Variants in SYT1 observed in about 807,000 individuals in gnomAD.
SYT1 encodes the protein synaptotagmin-1.
SYT1 carries 8 observed loss-of-function variants against 44.8 expected under a neutral mutation model. The ratio of observed to expected loss-of-function variants is 0.18; its 90% CI spans 0.10 to 0.32. The LOEUF (loss-of-function observed/expected upper bound fraction) is 0.32. Among genes scored for constraint, SYT1 ranks in the 10% least tolerant of loss-of-function variants. The probability of loss-of-function intolerance (pLI) is 1.00; values close to 1 mark genes in which losing one functional copy is unlikely to be tolerated. For missense variants in SYT1, 286 were observed against 509.3 expected (o/e 0.56, Z 4.22); for synonymous variants, 154 against 188.8 (o/e 0.82, Z 1.51).
chr12:79,381,515 T>C (rs975603178), intron 9 of SYT1, among the ~76,000 whole-genome samples: 1 of 152,222 alleles, frequency 6.6e-6, no homozygotes, highest in Admixed American at 6.5e-5. Flanking sequence ...GTTTGAAGGA[T>C]TTGAATTCTG....
chr12:79,264,682 G>C (rs1404038355), intron 4 of SYT1, among the ~76,000 whole-genome samples: 2 of 152,192 alleles, frequency 1.3e-5, no homozygotes, highest in African/African-American at 4.8e-5. Flanking sequence ...GGTAGTGTTA[G>C]CTGGAATGGC....
At chr12:79,217,433 G>A (rs1309558525) in intron 3 of SYT1, 70 bp from the exon 4 acceptor site, 1 of 1,348,144 alleles carries the variant, frequency 7.4e-7, no homozygotes, top group African/African-American at 1.5e-5. Context: ...TTTCATCTCT[G>A]GGATACCTTT....
chr12:79,335,043 A>T (rs1220383320), intron 8 of SYT1, among the ~76,000 whole-genome samples: 1 of 152,166 alleles, frequency 6.6e-6, no homozygotes, highest in African/African-American at 2.4e-5. Context: ...CCTACTGATG[A>T]GTATCAAAAC....
intron 4 of SYT1, among the ~76,000 whole-genome samples, chr12:79,235,332 T>A (rs890556316): frequency 3.3e-5 from 5 of 152,240 alleles, no homozygotes; most frequent in African/African-American, 4.8e-5. Context: ...GTGGTTTTAA[T>A]GTGCAATTCC....
intron 3 of SYT1, among the ~76,000 whole-genome samples, chr12:79,127,917 A>G (rs1868542105): frequency 6.6e-6 from 1 of 152,248 alleles, no homozygotes; most frequent in South Asian, 2.1e-4. Context: ...GCTGATAATA[A>G]AAAAGATCAT....
intron 1 of SYT1, among the ~76,000 whole-genome samples, chr12:78,876,461 G>GTTTTTTTTTTTTTTTTTTTTT (rs1491347037): frequency 3.3e-5 from 1 of 30,214 alleles, no homozygotes; most frequent in Admixed American, 5.8e-4. Flanking sequence ...GAAAATGGAG[G>GTTTTTTTTTTTTTTTTTTTTT]TGTTTTTTTT....
intron 9 of SYT1, among the ~76,000 whole-genome samples, chr12:79,418,748 A>G (rs913906903): frequency 6.6e-6 from 1 of 152,200 alleles, no homozygotes; most frequent in Non-Finnish European, 1.5e-5. Flanking sequence ...CTTGACAAGA[A>G]AGGCCAGCAG....
intron 2 of SYT1, among the ~76,000 whole-genome samples, chr12:79,013,440 T>G (rs182397476): frequency 6.6e-6 from 1 of 152,164 alleles, no homozygotes; most frequent in African/African-American, 2.4e-5. Flanking sequence ...AGGGATTAAC[T>G]GTTTATAAAC....
chr12:79,408,325 C>T (rs576482250), intron 9 of SYT1, among the ~76,000 whole-genome samples: 98 of 152,230 alleles, frequency 6.4e-4, no homozygotes, highest in African/African-American at 2.3e-3. Context: ...GAAGGCTGAA[C>T]GACCAAGTGA....
chr12:79,158,201 G>A (rs528570711), intron 3 of SYT1, among the ~76,000 whole-genome samples: 5 of 152,052 alleles, frequency 3.3e-5, no homozygotes, highest in Non-Finnish European at 4.4e-5. Flanking sequence ...GAATCAGTGC[G>A]ATCCCTGAGC....
At chr12:79,293,987 C>A (rs909697930) in intron 6 of SYT1, among the ~76,000 whole-genome samples, 1 of 152,058 alleles carries the variant, frequency 6.6e-6, no homozygotes, top group African/African-American at 2.4e-5. Flanking sequence ...TAGGAAAGAT[C>A]AAGGACAACT....
intron 1 of SYT1, among the ~76,000 whole-genome samples, chr12:78,879,115 A>G (rs192773948): frequency 6.6e-6 from 1 of 151,840 alleles, no homozygotes; most frequent in Admixed American, 6.6e-5. Flanking sequence ...AGAAGAGGAT[A>G]TTGGCAAGTA....
rs144210874 is a variant in SYT1 at position 79,072,861 on chromosome 12, A to G, written c.-18+25499A>G. On this transcript the variant is annotated intron_variant, in intron 3 of 10. Transcript: ENST00000261205. The stretch of plus-strand genomic sequence containing the variant: ...AACACAGCAATGAACACAATGTTCC[A>G]AGTCTCTGCCCTCAAATAGGTTAAC... 2.9e-4 allele frequency among the ~76,000 whole-genome samples: 44 copies of G among 151,216 alleles called. 1 individual carries two copies. In the East Asian group the frequency reaches 7.2e-3, roughly 25 times the overall value.
At chr12:79,042,216 A>C (rs1352232068) in intron 2 of SYT1, among the ~76,000 whole-genome samples, 1 of 151,884 alleles carries the variant, frequency 6.6e-6, no homozygotes, top group Non-Finnish European at 1.5e-5. Flanking sequence ...GCTCCTCCTT[A>C]TACCTCTGGT....
intron 3 of SYT1, among the ~76,000 whole-genome samples, chr12:79,194,647 C>A (rs1526970): frequency 1.3e-5 from 2 of 151,792 alleles, no homozygotes; most frequent in East Asian, 1.9e-4. Flanking sequence ...CTTTGAGAAC[C>A]ACTGTGTACA....
intron 1 of SYT1, among the ~76,000 whole-genome samples, chr12:78,956,538 C>T (rs1180859421): frequency 1.3e-5 from 2 of 150,740 alleles, no homozygotes; most frequent in Admixed American, 1.3e-4. Flanking sequence ...GCCCAAACAC[C>T]TGAAACAATG....
At chr12:79,259,283 C>T (rs1877700666) in intron 4 of SYT1, among the ~76,000 whole-genome samples, 2 of 152,088 alleles carry the variant, frequency 1.3e-5, no homozygotes. Flanking sequence ...AGCTCTTAAC[C>T]TAAAACAAGT....
In SYT1 at chr12:79,018,980, A is replaced by T. The variant is rs1871998088; in HGVS notation, c.-83-28317A>T. 5.3e-5 allele frequency among the ~76,000 whole-genome samples: 8 copies of T among 152,102 alleles called. No individual in the cohort carries two copies. In the South Asian group the frequency reaches 1.7e-3, roughly 31 times the overall value. ...AGGTGTTTTGTATTCTGCTCAGCAC[A>T]TACGTAATTTGTAAATGATAGCTAT... On this transcript the variant is annotated intron_variant, in intron 2 of 10. Transcript: ENST00000261205.
intron 1 of SYT1, among the ~76,000 whole-genome samples, chr12:78,898,996 A>G (rs562593892): frequency 3.9e-5 from 6 of 152,164 alleles, no homozygotes; most frequent in African/African-American, 1.2e-4. Context: ...CATCTCTTCA[A>G]TACATCTTTA....
Sources: gnomAD v4.1 joint callset for allele counts (sites outside exome capture counted in the v4.1 genomes callset) on GRCh38, gnomAD v4.1.1 for gene constraint, MANE v1.5 for transcripts, NCBI Gene and HGNC (gene_info 2026-07-23, HGNC 2026-07-21) for gene names.